ZFHX3: variants seen among roughly 807,000 people sequenced by gnomAD.
The protein encoded by ZFHX3 is zinc finger homeobox protein 3.
ZFHX3 carries 42 observed loss-of-function variants against 279.1 expected under a neutral mutation model. That is an observed-to-expected ratio of 0.15 (90% CI 0.12 to 0.19). The LOEUF (loss-of-function observed/expected upper bound fraction) is 0.19, where lower values mean the gene tolerates loss of function less well. Among genes scored for constraint, ZFHX3 ranks in the 10% least tolerant of loss-of-function variants. The pLI is 1.00. For missense variants in ZFHX3, 4,981 were observed against 4,754.0 expected, an observed-to-expected ratio of 1.05 and a Z score of -1.40; for synonymous variants, 2,293 against 1,957.8, an observed-to-expected ratio of 1.17 and a Z score of -4.52.
chr16:73,128,188 G>C (rs1219288173), intron 7 of ZFHX3, among the ~76,000 whole-genome samples: 1 of 152,132 alleles, frequency 6.6e-6, no homozygotes, highest in Non-Finnish European at 1.5e-5. Flanking sequence ...AGGGGGGCTG[G>C]GTTTTAGAAT....
intron 1 of ZFHX3, among the ~76,000 whole-genome samples, chr16:73,715,446 T>C (rs1339513413): frequency 2.0e-5 from 3 of 152,042 alleles, no homozygotes; most frequent in Admixed American, 6.6e-5. Context: ...TGGATTTTCA[T>C]ATAACTTCCT....
intron 4 of ZFHX3, among the ~76,000 whole-genome samples, chr16:72,854,214 T>G (rs1441743803): frequency 1.3e-5 from 2 of 152,242 alleles, no homozygotes; most frequent in African/African-American, 4.8e-5. Flanking sequence ...CTCCCTCCCC[T>G]GCCTGCTAAC....
chr16:73,133,095 G>T (rs983226256), intron 6 of ZFHX3, among the ~76,000 whole-genome samples: 2 of 152,196 alleles, frequency 1.3e-5, no homozygotes, highest in Non-Finnish European at 2.9e-5. Flanking sequence ...CAGAAGTTCT[G>T]ATGCTTTTGG....
Position 72,959,802 on chromosome 16 carries a change from T to G in ZFHX3, c.344A>C (p.Asp115Ala), listed in dbSNP as rs2144456254. The part of the protein sequence containing the change: ...PPPLREESAS[D>A]TGEEGDEESD... The stretch of plus-strand genomic sequence containing the variant: ...CTCCTCGTCCCCCTCCTCACCGGTG[T>G]CGCTGGCGCTCTCCTCTCTCAGGGG... The change falls in exon 2 of 10, where the codon GAC becomes GCC. Residue 115 changes from aspartate (D) to alanine (A), a missense_variant. Asp to Ala is a moderately radical substitution (Grantham distance 126). Transcript: ENST00000268489. The G allele has an allele frequency of 1.9e-6, 3 of 1,595,080 alleles. No homozygotes were observed. Among genetic ancestry groups the G allele is most frequent in the Non-Finnish European group, 2.6e-6 (3 of 1,168,754 alleles).
exon 1 of ZFHX3, chr16:73,059,378 A>ACACACACACACACACACACG (rs1965647192): frequency 9.0e-6 from 1 of 110,590 alleles, no homozygotes; most frequent in African/African-American, 3.8e-5. Flanking sequence ...GCGCGCACAC[A>ACACACACACACACACACACG]CACACACACA....
chr16:73,447,688 CT>C (rs908364985), intron 3 of ZFHX3, among the ~76,000 whole-genome samples: 2 of 152,158 alleles, frequency 1.3e-5, no homozygotes, highest in African/African-American at 4.8e-5. Flanking sequence ...ACACATTAAA[CT>C]GCTGCTAAGA....
chr16:73,297,171 C>A (rs1185723440), intron 4 of ZFHX3, among the ~76,000 whole-genome samples: 2 of 151,878 alleles, frequency 1.3e-5, no homozygotes, highest in Non-Finnish European at 2.9e-5. Context: ...GCCACTGCGC[C>A]GAGCCAGCAG....
intron 2 of ZFHX3, among the ~76,000 whole-genome samples, chr16:73,497,190 G>A (rs918850657): frequency 1.2e-4 from 18 of 152,226 alleles, no homozygotes; most frequent in African/African-American, 4.1e-4. Flanking sequence ...GGACCCTGGA[G>A]GCTATTCCAC....
intron 1 of ZFHX3, among the ~76,000 whole-genome samples, chr16:73,878,309 G>A (rs1030021436): frequency 3.3e-5 from 5 of 152,048 alleles, no homozygotes; most frequent in African/African-American, 7.2e-5. Context: ...ACATGAAACC[G>A]AGAGGTGATT....
chr16:73,780,305 G>A (rs554264370), intron 1 of ZFHX3, among the ~76,000 whole-genome samples: 7 of 150,614 alleles, frequency 4.6e-5, no homozygotes, highest in African/African-American at 9.7e-5. Context: ...ATGCCACCAC[G>A]CCTGGCTAAT....
intron 3 of ZFHX3, 121 bp from the exon 4 acceptor site, chr16:72,890,083 C>G (rs1319505894): frequency 1.2e-6 from 1 of 805,568 alleles, no homozygotes. Flanking sequence ...ATCTCCACAG[C>G]CAAACAGGAC....
chr16:72,988,911 C>T (rs1336923826), intron 1 of ZFHX3, among the ~76,000 whole-genome samples: 3 of 152,126 alleles, frequency 2.0e-5, no homozygotes, highest in Admixed American at 6.5e-5. Flanking sequence ...GCACAGAGAT[C>T]ACACTTACAA....
intron 2 of ZFHX3, among the ~76,000 whole-genome samples, chr16:73,587,191 C>A (rs191554129): frequency 6.6e-6 from 1 of 152,144 alleles, no homozygotes. Context: ...ATGATAGAAG[C>A]TATTTCACAA....
At position 72,970,022 on chromosome 16, in the gene ZFHX3, G is replaced by A. The variant is rs908443360; in HGVS notation, c.-49-9828C>T. ...CATGTTTGCTAATAAGTGCATCTGTGCTATTTCCAGCATGAACATAAATCA... is the reference window on the plus strand; with the variant it reads ...CATGTTTGCTAATAAGTGCATCTGTACTATTTCCAGCATGAACATAAATCA... On this transcript the variant is annotated intron_variant, in intron 1 of 9. Transcript: ENST00000268489. 2.0e-5 allele frequency among the ~76,000 whole-genome samples: 3 copies of A among 152,170 alleles called. No individual in the cohort carries two copies. The East Asian group carries it at 5.8e-4, about 29-fold the overall frequency.
intron 3 of ZFHX3, among the ~76,000 whole-genome samples, chr16:72,935,618 G>A (rs1960076926): frequency 6.6e-6 from 1 of 151,840 alleles, no homozygotes; most frequent in African/African-American, 2.4e-5. Flanking sequence ...GCATGTGCCT[G>A]TAGTCCCAGC....
At chr16:72,859,404 G>C (rs1409174014) in intron 4 of ZFHX3, among the ~76,000 whole-genome samples, 1 of 152,150 alleles carries the variant, frequency 6.6e-6, no homozygotes, top group Non-Finnish European at 1.5e-5. Context: ...TATCGTCCCA[G>C]AGAGGCCGCA....
intron 1 of ZFHX3, among the ~76,000 whole-genome samples, chr16:72,967,757 A>G (rs1961913482): frequency 2.0e-5 from 3 of 148,516 alleles, no homozygotes; most frequent in African/African-American, 7.6e-5. Context: ...TCTACTAAAA[A>G]TACAAAAAAA....
intron 3 of ZFHX3, among the ~76,000 whole-genome samples, chr16:73,359,338 G>T (rs2016397264): frequency 6.6e-6 from 1 of 152,144 alleles, no homozygotes; most frequent in South Asian, 2.1e-4. Flanking sequence ...AGGGACACAG[G>T]GGTGAATAAG....
chr16:73,362,346 G>C (rs1448141654), intron 3 of ZFHX3, among the ~76,000 whole-genome samples: 1 of 152,188 alleles, frequency 6.6e-6, no homozygotes, highest in East Asian at 1.9e-4. Flanking sequence ...GGTCAGGCTT[G>C]CTGCCTGGGG....
Sources: allele counts gnomAD v4.1 joint callset (sites outside exome capture counted in the v4.1 genomes callset), GRCh38; gene constraint gnomAD v4.1.1; transcripts MANE v1.5; gene names NCBI Gene and HGNC (gene_info 2026-07-23, HGNC 2026-07-21).